The following PCP4 variants were observed in gnomAD, a reference collection of about 807,000 sequenced individuals.
PCP4 encodes the protein Purkinje cell protein 4, also known as calmodulin regulator protein PCP4.
In PCP4, 8 loss-of-function variants were observed where a neutral mutation model predicts 10.0. The ratio of observed to expected loss-of-function variants is 0.80; its 90% CI spans 0.47 to 1.45. The LOEUF (loss-of-function observed/expected upper bound fraction) is 1.45. Among genes scored for constraint, PCP4 ranks in the 40% most tolerant of loss-of-function variants. The pLI is 0.00. For synonymous variants in PCP4, 21 were observed against 23.0 expected (o/e 0.91, Z 0.24); for missense variants, 54 against 74.4 (o/e 0.73, Z 1.01).
chr21:39,889,912 T>C (rs2087421682), intron 1 of PCP4, among the ~76,000 whole-genome samples: 1 of 152,204 alleles, frequency 6.6e-6, no homozygotes, highest in Non-Finnish European at 1.5e-5. Context: ...ATCCTAAAGA[T>C]GGAACAAAGT....
intron 2 of PCP4, among the ~76,000 whole-genome samples, chr21:39,898,950 C>T (rs1002993438): frequency 1.3e-5 from 2 of 152,146 alleles, no homozygotes; most frequent in African/African-American, 2.4e-5. Flanking sequence ...ACACACAATG[C>T]GGTGCTGGTC....
chr21:39,871,729 G>A (rs533976728), intron 1 of PCP4, among the ~76,000 whole-genome samples: 13 of 152,292 alleles, frequency 8.5e-5, no homozygotes, highest in African/African-American at 3.1e-4. Context: ...TCCCAGGGCC[G>A]ATGATTGTTA....
intron 1 of PCP4, among the ~76,000 whole-genome samples, chr21:39,897,906 C>T (rs112371619): frequency 0.017 from 2,643 of 151,914 alleles, 69 homozygotes; most frequent in African/African-American, 0.06. Context: ...ATTAGCCGTA[C>T]GTGGTCGTGG....
chr21:39,879,389 C>A (rs188564403), intron 1 of PCP4, among the ~76,000 whole-genome samples: 1 of 152,098 alleles, frequency 6.6e-6, no homozygotes, highest in Non-Finnish European at 1.5e-5. Flanking sequence ...CCTTCTTTGC[C>A]GTCTTTAAAA....
At chr21:39,920,246 A>G (rs1457597104) in intron 2 of PCP4, among the ~76,000 whole-genome samples, 4 of 93,024 alleles carry the variant, frequency 4.3e-5, no homozygotes, top group Admixed American at 1.2e-4. Flanking sequence ...TTTGTGTGAT[A>G]TGTGTTTGGT....
At chr21:39,883,905 T>C (rs2087387783) in intron 1 of PCP4, among the ~76,000 whole-genome samples, 1 of 152,242 alleles carries the variant, frequency 6.6e-6, no homozygotes, top group Non-Finnish European at 1.5e-5. Context: ...ACCAAATCCA[T>C]GCAATGTGAG....
chr21:39,882,146 T>C (rs2087379039), intron 1 of PCP4, among the ~76,000 whole-genome samples: 1 of 152,168 alleles, frequency 6.6e-6, no homozygotes, highest in Admixed American at 6.5e-5. Flanking sequence ...AACTTGGAGG[T>C]CTCATCTATT....
intron 1 of PCP4, among the ~76,000 whole-genome samples, chr21:39,886,783 A>G (rs1276218635): frequency 6.6e-6 from 1 of 152,236 alleles, no homozygotes; most frequent in Non-Finnish European, 1.5e-5. Context: ...ATCTTTATGA[A>G]ATTATATATA....
intron 1 of PCP4, among the ~76,000 whole-genome samples, chr21:39,879,718 G>C (rs917246221): frequency 6.6e-6 from 1 of 152,138 alleles, no homozygotes; most frequent in Non-Finnish European, 1.5e-5. Context: ...AACACATCAT[G>C]GTTCTGTAAC....
intron 2 of PCP4, among the ~76,000 whole-genome samples, chr21:39,899,610 G>A (rs1371196669): frequency 2.0e-5 from 3 of 152,144 alleles, no homozygotes; most frequent in Non-Finnish European, 4.4e-5. Context: ...GGGTAAAGGG[G>A]TCATCATATC....
chr21:39,895,894 T>C (rs8130605), intron 1 of PCP4, among the ~76,000 whole-genome samples: 106 of 152,338 alleles, frequency 7.0e-4, no homozygotes, highest in African/African-American at 2.2e-3. Flanking sequence ...CAGACCTCCA[T>C]TGAAAATGTC....
At chr21:39,875,098 A>G (rs1601170448) in intron 1 of PCP4, among the ~76,000 whole-genome samples, 1 of 152,214 alleles carries the variant, frequency 6.6e-6, no homozygotes, top group Non-Finnish European at 1.5e-5. Context: ...AAGTGAAACC[A>G]AGGAAGGTTA....
intron 1 of PCP4, among the ~76,000 whole-genome samples, chr21:39,868,354 T>A (rs1006383564): frequency 6.6e-6 from 1 of 152,220 alleles, no homozygotes; most frequent in African/African-American, 2.4e-5. Flanking sequence ...TTTTGACAGA[T>A]GGATGATTCT....
At chr21:39,869,528 C>G (rs1023288208) in intron 1 of PCP4, among the ~76,000 whole-genome samples, 1 of 152,154 alleles carries the variant, frequency 6.6e-6, no homozygotes, top group African/African-American at 2.4e-5. Context: ...TCACAAAACC[C>G]CTCCCAGCTC....
At chr21:39,914,449 C>T (rs968320849) in intron 2 of PCP4, among the ~76,000 whole-genome samples, 1 of 151,718 alleles carries the variant, frequency 6.6e-6, no homozygotes, top group East Asian at 1.9e-4. Context: ...GGTGTGGTGG[C>T]GTGTGCCTAT....
chr21:39,913,799 T>C (rs1470291892), intron 2 of PCP4, among the ~76,000 whole-genome samples: 1 of 152,160 alleles, frequency 6.6e-6, no homozygotes, highest in Non-Finnish European at 1.5e-5. Flanking sequence ...TGAAATTCCA[T>C]ACAAAACAGA....
intron 2 of PCP4, among the ~76,000 whole-genome samples, chr21:39,912,018 G>A (rs990836671): frequency 4.6e-5 from 7 of 152,208 alleles, no homozygotes; most frequent in African/African-American, 1.7e-4. Flanking sequence ...TATTTCCTCA[G>A]TTCAGCTTAA....
At chr21:39,905,201 C>T (rs942738588) in intron 2 of PCP4, among the ~76,000 whole-genome samples, 1 of 152,062 alleles carries the variant, frequency 6.6e-6, no homozygotes, top group Non-Finnish European at 1.5e-5. Context: ...CGGTCTCCAT[C>T]TGGAGGTTCT....
intron 2 of PCP4, among the ~76,000 whole-genome samples, chr21:39,915,679 A>G (rs556388036): frequency 6.6e-6 from 1 of 152,340 alleles, no homozygotes; most frequent in African/African-American, 2.4e-5. Context: ...CATTGCACCT[A>G]CATTTCAGCC....
Sources: gnomAD v4.1 joint callset for allele counts (sites outside exome capture counted in the v4.1 genomes callset) on GRCh38, gnomAD v4.1.1 for gene constraint, MANE v1.5 for transcripts, NCBI Gene and HGNC (gene_info 2026-07-23, HGNC 2026-07-21) for gene names.